Variants in MACROD2 observed in about 807,000 individuals in gnomAD.
MACROD2 encodes ADP-ribose glycohydrolase MACROD2.
MACROD2 carries 36 observed loss-of-function variants against 70.4 expected under a neutral mutation model. The ratio of observed to expected loss-of-function variants is 0.51; its 90% CI spans 0.39 to 0.68. The LOEUF is 0.68. Among genes scored for constraint, MACROD2 ranks in the 30% least tolerant of loss-of-function variants. MACROD2 has a pLI of 0.00. For missense variants in MACROD2, 496 were observed against 538.4 expected (o/e 0.92, Z 0.78); for synonymous variants, 172 against 178.8 (o/e 0.96, Z 0.30).
rs1240733600 is a variant in MACROD2, at chr20:16,053,177, G to C, written c.*3301G>C. 2.1e-4 allele frequency: 5 copies of C among 23,442 alleles called. No homozygotes were observed. In the East Asian group the frequency reaches 3.8e-3, roughly 18 times the overall value. The allele number at this position is 23,442 out of a possible 1,614,324, so 1.5% of individuals were successfully genotyped here. A position where few individuals can be genotyped will look rare whatever the true frequency, so the allele number is the denominator to read the frequency against. ...TTAGAGCAGAATACAAATAAAATTT[G>C]TTTGAGAGGATAATGTGAAATTATC... On this transcript the variant is annotated 3_prime_UTR_variant, in exon 18 of 18. Coordinates refer to ENST00000684519, the MANE Select transcript of MACROD2 (RefSeq NM_001351661.2).
chr20:14,323,457 A>G (rs1414270474), intron 3 of MACROD2: 1 of 152,182 alleles, frequency 6.6e-6, no homozygotes, highest in Non-Finnish European at 1.5e-5. Flanking sequence ...GAAGCTCTCC[A>G]AATCTTGACC....
chr20:15,773,595 T>C (rs1301821001), intron 8 of MACROD2, among the ~76,000 whole-genome samples: 1 of 152,188 alleles, frequency 6.6e-6, no homozygotes, highest in East Asian at 1.9e-4. Flanking sequence ...AGTATATTAC[T>C]GTGATTTATT....
chr20:16,045,562 T>C (rs1485234435), intron 17 of MACROD2, among the ~76,000 whole-genome samples: 1 of 152,086 alleles, frequency 6.6e-6, no homozygotes, highest in Non-Finnish European at 1.5e-5. Context: ...GTGACAGACA[T>C]CTGGACTGCA....
At chr20:14,723,231 C>T (rs940297341) in intron 5 of MACROD2, among the ~76,000 whole-genome samples, 10 of 152,084 alleles carry the variant, frequency 6.6e-5, no homozygotes, top group Non-Finnish European at 1.3e-4. Context: ...CTTTGGCACG[C>T]GTTAGCTGGG....
intron 5 of MACROD2, among the ~76,000 whole-genome samples, chr20:15,103,433 T>C (rs961615532): frequency 8.5e-5 from 13 of 152,122 alleles, no homozygotes; most frequent in African/African-American, 3.1e-4. Flanking sequence ...CTTGTTCTTA[T>C]ATCAGACACT....
At chr20:15,308,819 ACTC>A (rs1397020703) in intron 6 of MACROD2, among the ~76,000 whole-genome samples, 1 of 152,066 alleles carries the variant, frequency 6.6e-6, no homozygotes, top group African/African-American at 2.4e-5. Context: ...CATGGTCCCT[ACTC>A]AGAGCTCAGC....
intron 6 of MACROD2, among the ~76,000 whole-genome samples, chr20:15,265,652 C>T (rs2077287908): frequency 6.6e-6 from 1 of 152,218 alleles, no homozygotes. Flanking sequence ...ATGCCAACTG[C>T]ACTTGCACTT....
Position 14,862,715 on chromosome 20 carries a change from ATT to A in MACROD2, c.418+177764_418+177765del, listed in dbSNP as rs34596604. ...AATATATATAAATATATATATATAT[ATT>A]TTTTTTTAATAGAGAGGATGAAGAC... On this transcript the variant is annotated intron_variant, in intron 5 of 17. Transcript: ENST00000684519. Among the ~76,000 whole-genome samples the A allele has an allele frequency of 5.2e-4, 33 of 63,348 alleles. 3 individuals carry two copies. Among genetic ancestry groups the A allele is most frequent in the East Asian group, 2.0e-3 (4 of 1,960 alleles). 41.6% of individuals were successfully genotyped at this position (63,348 alleles called of 152,430 possible).
At chr20:15,959,147 T>G (rs1466757049) in intron 12 of MACROD2, among the ~76,000 whole-genome samples, 1 of 152,238 alleles carries the variant, frequency 6.6e-6, no homozygotes, top group East Asian at 1.9e-4. Context: ...CACTTTTAAT[T>G]TAATCTTAAG....
At chr20:15,407,538 C>T (rs1035604063) in intron 6 of MACROD2, among the ~76,000 whole-genome samples, 1 of 152,128 alleles carries the variant, frequency 6.6e-6, no homozygotes, top group Non-Finnish European at 1.5e-5. Context: ...ATTCCTAGGA[C>T]AGTGTTAAGG....
intron 8 of MACROD2, among the ~76,000 whole-genome samples, chr20:15,760,777 C>T (rs1054570264): frequency 1.3e-5 from 2 of 152,148 alleles, no homozygotes; most frequent in Non-Finnish European, 2.9e-5. Flanking sequence ...TGAATGGACA[C>T]AGACACTGTG....
chr20:15,206,028 C>T (rs2076698555), intron 5 of MACROD2, among the ~76,000 whole-genome samples: 1 of 152,152 alleles, frequency 6.6e-6, no homozygotes, highest in Non-Finnish European at 1.5e-5. Flanking sequence ...TCAAACATCT[C>T]TCTGAAAATT....
intron 5 of MACROD2, among the ~76,000 whole-genome samples, chr20:15,199,253 GA>G (rs984350785): frequency 6.6e-6 from 1 of 152,040 alleles, no homozygotes; most frequent in Non-Finnish European, 1.5e-5. Context: ...CTACTTGGGG[GA>G]CTGAGGTGGG....
chr20:15,206,371 T>C (rs2076702296), intron 5 of MACROD2, among the ~76,000 whole-genome samples: 1 of 152,196 alleles, frequency 6.6e-6, no homozygotes, highest in Admixed American at 6.5e-5. Context: ...CATGGAGCTA[T>C]TGCTTATTCT....
chr20:14,878,848 G>A (rs1350841505), intron 5 of MACROD2, among the ~76,000 whole-genome samples: 1 of 152,006 alleles, frequency 6.6e-6, no homozygotes, highest in African/African-American at 2.4e-5. Flanking sequence ...ATCTGAAATG[G>A]GCTGCTTCTA....
chr20:14,587,625 C>G (rs1278300759), intron 4 of MACROD2, among the ~76,000 whole-genome samples: 1 of 151,610 alleles, frequency 6.6e-6, no homozygotes, highest in East Asian at 1.9e-4. Flanking sequence ...AATGTATAAA[C>G]AGAATTATTA....
At chr20:15,024,395 G>A (rs2075213811) in intron 5 of MACROD2, among the ~76,000 whole-genome samples, 1 of 152,000 alleles carries the variant, frequency 6.6e-6, no homozygotes, top group Non-Finnish European at 1.5e-5. Context: ...AGAAGAGGAA[G>A]GGGAAGAAGA....
chr20:15,143,945 T>TA (rs3070269), intron 5 of MACROD2, among the ~76,000 whole-genome samples: 29,639 of 131,656 alleles, frequency 0.23, 3,884 homozygotes, highest in African/African-American at 0.35. Context: ...GCTGATGAGC[T>TA]AAAAAAAAAA....
At chr20:15,024,208 G>T (rs896141421) in intron 5 of MACROD2, among the ~76,000 whole-genome samples, 2 of 152,072 alleles carry the variant, frequency 1.3e-5, no homozygotes, top group African/African-American at 2.4e-5. Context: ...TTTATTGAAG[G>T]TATGCCATAT....
Sources: allele counts gnomAD v4.1 joint callset (sites outside exome capture counted in the v4.1 genomes callset), GRCh38; gene constraint gnomAD v4.1.1; transcripts MANE v1.5; gene names NCBI Gene and HGNC (gene_info 2026-07-23, HGNC 2026-07-21).